The following ADAMTS19 variants were observed in gnomAD, a reference collection of about 807,000 sequenced individuals.
ADAMTS19 encodes the protein ADAM metallopeptidase with thrombospondin type 1 motif 19.
In ADAMTS19, 93 loss-of-function variants were observed where a neutral mutation model predicts 153.3. That is an observed-to-expected ratio of 0.61 (90% confidence interval 0.51 to 0.72). The LOEUF (loss-of-function observed/expected upper bound fraction) is 0.72. Among genes scored for constraint, ADAMTS19 ranks in the 30% least tolerant of loss-of-function variants. The pLI, the probability that ADAMTS19 is intolerant of heterozygous loss-of-function variation, is 0.00. For synonymous variants in ADAMTS19, 600 were observed against 556.6 expected (o/e 1.08, Z -1.10); for missense variants, 1,482 against 1,552.1 (o/e 0.95, Z 0.76).
chr5:129,553,141 A>G (rs1295669003), intron 7 of ADAMTS19, among the ~76,000 whole-genome samples: 1 of 152,104 alleles, frequency 6.6e-6, no homozygotes, highest in Non-Finnish European at 1.5e-5. Flanking sequence ...TCAAAATAAT[A>G]ACCTTTTCTT....
intron 2 of ADAMTS19, among the ~76,000 whole-genome samples, chr5:129,467,021 A>G (rs1289784476): frequency 1.3e-5 from 2 of 152,330 alleles, no homozygotes; most frequent in African/African-American, 4.8e-5. Context: ...TATTTTTCCA[A>G]AGTGTTCACA....
chr5:129,708,078 G>T (rs1391919586), intron 21 of ADAMTS19, among the ~76,000 whole-genome samples: 1 of 152,114 alleles, frequency 6.6e-6, no homozygotes, highest in Non-Finnish European at 1.5e-5. Context: ...TATATATTTT[G>T]GGTGGTTTTG....
chr5:129,614,623 C>G (rs893849731), intron 8 of ADAMTS19, among the ~76,000 whole-genome samples: 18 of 152,154 alleles, frequency 1.2e-4, no homozygotes, highest in African/African-American at 4.3e-4. Context: ...TGAAAACTGG[C>G]ACAAGACAGG....
In ADAMTS19 at chr5:129,704,304, G is replaced by A. The variant is rs1300841414; in HGVS notation, c.3225G>A (p.Lys1075=). Residue 1075 remains lysine (K), a synonymous_variant, in exon 21 of 23, where the codon AAG becomes AAA. Coordinates refer to ENST00000274487, the MANE Select transcript of ADAMTS19 (RefSeq NM_133638.6). ...TTAGATGTACCAACCCAAGAAAGAA[G>A]TGTGTCCTCTCTACCAGACCCAGGG... ...RTVRCTNPRK[K]CVLSTRPREA... 2 of 1,614,026 alleles carry A rather than the reference G, an allele frequency of 1.2e-6. No homozygotes were observed. The highest frequency in any genetic ancestry group is 1.3e-5 in the African/African-American group (1 of 74,922).
In ADAMTS19 at chr5:129,704,293, C is replaced by T; in HGVS notation, c.3214C>T (p.Pro1072Ser). Residue 1072 changes from proline (P) to serine (S), a missense_variant, in exon 21 of 23, where the codon CCA becomes TCA. Transcript: ENST00000274487. ...TCATCGGACCGTTAGATGTACCAAC[C>T]CAAGAAAGAAGTGTGTCCTCTCTAC... Reference protein sequence around the residue: ...IRHRTVRCTNPRKKCVLSTRP... With the variant: ...IRHRTVRCTNSRKKCVLSTRP... The T allele has an allele frequency of 6.2e-7, 1 of 1,613,980 alleles. No homozygotes were observed. The highest frequency in any genetic ancestry group is 8.5e-7 in the Non-Finnish European group (1 of 1,179,948).
intron 8 of ADAMTS19, among the ~76,000 whole-genome samples, chr5:129,610,288 TA>T (rs1232221203): frequency 6.6e-6 from 1 of 152,070 alleles, no homozygotes; most frequent in Non-Finnish European, 1.5e-5. Context: ...TATTCTTTTT[TA>T]TATATTCTTT....
At chr5:129,562,532 G>T (rs372887053) in intron 7 of ADAMTS19, among the ~76,000 whole-genome samples, 86 of 152,168 alleles carry the variant, frequency 5.7e-4, no homozygotes, top group Admixed American at 1.8e-3. Flanking sequence ...CACTGAAAGG[G>T]TCTTATGGAA....
At chr5:129,522,332 C>CATATATATATATATATATAT (rs1209637522) in intron 3 of ADAMTS19, among the ~76,000 whole-genome samples, 3 of 58,626 alleles carry the variant, frequency 5.1e-5, no homozygotes, top group African/African-American at 8.9e-5. Flanking sequence ...CACACACACA[C>CATATATATATATATATATAT]ATATATATAT....
At chr5:129,700,783 CAT>C (rs148682654) in intron 19 of ADAMTS19, among the ~76,000 whole-genome samples, 5,420 of 151,732 alleles carry the variant, frequency 0.036, 299 homozygotes, top group African/African-American at 0.12. Flanking sequence ...TATAATATGA[CAT>C]GGAAAAAGTC....
intron 21 of ADAMTS19, among the ~76,000 whole-genome samples, chr5:129,710,128 CT>C (rs1756375104): frequency 6.6e-6 from 1 of 152,120 alleles, no homozygotes; most frequent in Admixed American, 6.6e-5. Context: ...CTTCCTCCCC[CT>C]GCCTCACCAA....
At chr5:129,613,014 C>G (rs912659005) in intron 8 of ADAMTS19, among the ~76,000 whole-genome samples, 1 of 152,138 alleles carries the variant, frequency 6.6e-6, no homozygotes, top group Admixed American at 6.6e-5. Context: ...GCACCCAATG[C>G]AGGAGCACCC....
chr5:129,722,873 T>C (rs1757061124), intron 21 of ADAMTS19, among the ~76,000 whole-genome samples: 1 of 152,218 alleles, frequency 6.6e-6, no homozygotes, highest in Non-Finnish European at 1.5e-5. Context: ...TCACACCTTG[T>C]TTTGTCCAGG....
chr5:129,521,594 T>C (rs1366863274), intron 3 of ADAMTS19, among the ~76,000 whole-genome samples: 3 of 152,086 alleles, frequency 2.0e-5, no homozygotes, highest in South Asian at 4.1e-4. Context: ...TGGTTTAACA[T>C]CCCCCAGAAA....
intron 6 of ADAMTS19, among the ~76,000 whole-genome samples, chr5:129,533,504 C>T (rs532677892): frequency 5.3e-5 from 8 of 152,170 alleles, no homozygotes; most frequent in East Asian, 1.9e-4. Flanking sequence ...ATTAGTCTTG[C>T]GAGTGGTCTA....
intron 2 of ADAMTS19, among the ~76,000 whole-genome samples, chr5:129,498,440 T>C (rs1450996311): frequency 6.6e-6 from 1 of 152,100 alleles, no homozygotes; most frequent in Non-Finnish European, 1.5e-5. Context: ...GAAAGCTTTA[T>C]AAAAGCAATC....
chr5:129,731,203 C>T (rs1388793641), intron 21 of ADAMTS19, among the ~76,000 whole-genome samples: 5 of 152,016 alleles, frequency 3.3e-5, no homozygotes, highest in Admixed American at 6.6e-5. Context: ...AAGTGACTGC[C>T]GGCCTCAGCC....
intron 2 of ADAMTS19, among the ~76,000 whole-genome samples, chr5:129,482,032 G>A (rs184414263): frequency 6.6e-6 from 1 of 152,216 alleles, no homozygotes; most frequent in Non-Finnish European, 1.5e-5. Context: ...GCATCAGCTA[G>A]CATAGAACAT....
Position 129,526,320 on chromosome 5 carries a change from G to A in ADAMTS19, c.950G>A (p.Ser317Asn), listed in dbSNP as rs1198976097. The A allele has an allele frequency of 6.3e-7, 1 of 1,595,118 alleles. No individual in the cohort carries two copies. The highest frequency in any genetic ancestry group is 8.5e-7 in the Non-Finnish European group (1 of 1,172,974). ...GRPRSRKIAE[S>N]GRGKRYSYKL... ...CCTAGGTCTAGAAAAATAGCAGAAA[G>A]TGGAAGAGGGAAACGATATTCATAC... Residue 317 changes from serine (S) to asparagine (N), a missense_variant, in exon 4 of 23, where the codon AGT becomes AAT. By Grantham distance (46) the Ser-to-Asn change is conservative. Transcript: ENST00000274487.
chr5:129,702,772 TC>T, intron 20 of ADAMTS19, among the ~76,000 whole-genome samples: 1 of 151,600 alleles, frequency 6.6e-6, no homozygotes, highest in South Asian at 2.1e-4. Flanking sequence ...TGCAAACTCT[TC>T]GGGAGAAAAT....
Sources: allele counts gnomAD v4.1 joint callset (sites outside exome capture counted in the v4.1 genomes callset), GRCh38; gene constraint gnomAD v4.1.1; transcripts MANE v1.5; gene names NCBI Gene and HGNC (gene_info 2026-07-23, HGNC 2026-07-21).